Variants in IGBP1 observed in about 807,000 individuals in gnomAD.
The protein encoded by IGBP1 is immunoglobulin-binding protein 1.
Under a neutral mutation model 25.9 loss-of-function variants are expected in IGBP1, and 2 were observed. That is an observed-to-expected ratio of 0.08 (90% confidence interval 0.03 to 0.24). IGBP1 has a LOEUF of 0.24. Among genes scored for constraint, IGBP1 ranks in the 10% least tolerant of loss-of-function variants. The pLI, the probability that IGBP1 is intolerant of heterozygous loss-of-function variation, is 1.00. For missense variants in IGBP1, 187 were observed against 260.4 expected (o/e 0.72, Z 1.94); for synonymous variants, 96 against 93.4 (o/e 1.03, Z -0.16).
chrX:70,139,938 T>A (rs2085120040), intron 3 of IGBP1, among the ~76,000 whole-genome samples: 1 of 112,130 alleles, frequency 8.9e-6, no homozygotes, highest in Admixed American at 9.5e-5. Context: ...GTTCTTTGAA[T>A]AGACCCAGCT....
chrX:70,153,625 T>C (rs2085217004), intron 6 of IGBP1, among the ~76,000 whole-genome samples: 2 of 112,323 alleles, frequency 1.8e-5, no homozygotes, highest in South Asian at 7.4e-4. Flanking sequence ...ACTCTAAAAC[T>C]TAGCAATTTA....
Position 70,150,241 on chromosome X carries a change from A to T in IGBP1, c.790A>T (p.Thr264Ser). The change falls in exon 6 of 7, where the codon ACT (threonine) becomes TCT (serine). Residue 264 changes from threonine to serine, a missense_variant. Transcript: ENST00000356413. ...VFGAGYPSLP[T>S]MTVSDWYEQH... Reference sequence around the variant, plus strand: ...TGGAGCTGGTTATCCAAGTCTGCCAACTATGACGGTGAGTGACTGGTATGA... The same window carrying T: ...TGGAGCTGGTTATCCAAGTCTGCCATCTATGACGGTGAGTGACTGGTATGA... 8.3e-7 allele frequency: 1 copy of T among 1,203,275 alleles called. No homozygotes were observed. Among genetic ancestry groups the T allele is most frequent in the South Asian group, 1.8e-5 (1 of 56,783 alleles).
intron 3 of IGBP1, among the ~76,000 whole-genome samples, chrX:70,142,489 G>A (rs892116147): frequency 2.7e-5 from 3 of 110,848 alleles, no homozygotes; most frequent in Admixed American, 1.9e-4. Context: ...GAATGTGTGG[G>A]GGGTACTAGA....
At chrX:70,136,867 C>A (rs921292271) in intron 3 of IGBP1, among the ~76,000 whole-genome samples, 2 of 109,916 alleles carry the variant, frequency 1.8e-5, no homozygotes, top group Non-Finnish European at 3.8e-5. Context: ...CCACCACGCC[C>A]GGCTAGTTTT....
chrX:70,158,410 T>G (rs1017652800), intron 6 of IGBP1, among the ~76,000 whole-genome samples: 30 of 112,117 alleles, frequency 2.7e-4, no homozygotes, highest in Non-Finnish European at 5.4e-4. Context: ...GTAATCATAT[T>G]TCTTTAATTC....
intron 6 of IGBP1, among the ~76,000 whole-genome samples, chrX:70,153,069 A>G (rs1232469924): frequency 8.9e-6 from 1 of 112,358 alleles, no homozygotes; most frequent in Non-Finnish European, 1.9e-5. Flanking sequence ...TCATCCAAAG[A>G]TAAAGTACAC....
At chrX:70,144,336 CTAACCCTGAAT>C (rs1157198562) in intron 3 of IGBP1, among the ~76,000 whole-genome samples, 1 of 112,092 alleles carries the variant, frequency 8.9e-6, no homozygotes. Flanking sequence ...GACTACTAGA[CTAACCCTGAAT>C]TTACCCTGAA....
chrX:70,143,202 G>A (rs1314875572), intron 3 of IGBP1, among the ~76,000 whole-genome samples: 1 of 111,489 alleles, frequency 9.0e-6, no homozygotes, highest in Non-Finnish European at 1.9e-5. Flanking sequence ...GATTACAGGC[G>A]TGAGCCACTG....
At chrX:70,160,811 T>C in intron 6 of IGBP1, among the ~76,000 whole-genome samples, 1 of 112,034 alleles carries the variant, frequency 8.9e-6, no homozygotes, top group Non-Finnish European at 1.9e-5. Flanking sequence ...TCTCAGTAAT[T>C]ATATTGGTGG....
intron 6 of IGBP1, among the ~76,000 whole-genome samples, chrX:70,162,404 CAG>C (rs1212888650): frequency 8.9e-6 from 1 of 112,027 alleles, no homozygotes; most frequent in East Asian, 2.8e-4. Flanking sequence ...ACTAAAGAAA[CAG>C]ACAACAAAAT....
intron 6 of IGBP1, among the ~76,000 whole-genome samples, chrX:70,158,930 G>GA (rs2147588987): frequency 8.9e-6 from 1 of 112,273 alleles, no homozygotes; most frequent in Non-Finnish European, 1.9e-5. Context: ...ACAAAGCTGA[G>GA]AAAAAGGGAA....
At position 70,152,436 on chromosome X, in the gene IGBP1, C is replaced by T. The variant is rs72628852; in HGVS notation, c.871+2114C>T. ...AATCTCTACAATATATCATTTGTCA[C>T]GTTTAGAATTCAATCCTAAGCTATT... On this transcript the variant is annotated intron_variant, in intron 6 of 6. Coordinates refer to ENST00000356413, the MANE Select transcript of IGBP1 (RefSeq NM_001551.3). Among the ~76,000 whole-genome samples, 153 of 102,243 alleles carry T rather than the reference C, an allele frequency of 1.5e-3. 4 individuals are homozygous for T. In the East Asian group the frequency reaches 0.03, roughly 20 times the overall value. 88.8% of individuals were successfully genotyped at this position (102,243 alleles called of 115,157 possible). A position where few individuals can be genotyped will look rare whatever the true frequency, so the allele number is the denominator to read the frequency against.
At chrX:70,137,170 G>T (rs1448531851) in intron 3 of IGBP1, among the ~76,000 whole-genome samples, 1 of 111,500 alleles carries the variant, frequency 9.0e-6, no homozygotes, top group Non-Finnish European at 1.9e-5. Context: ...ATTTAGGAGG[G>T]TTGAATCTAC....
intron 3 of IGBP1, among the ~76,000 whole-genome samples, chrX:70,146,073 G>A (rs4844107): frequency 0.58 from 63,927 of 110,701 alleles, 15,206 homozygotes; most frequent in East Asian, 0.94. Context: ...TGACATACTA[G>A]AATGCATCCT....
intron 6 of IGBP1, among the ~76,000 whole-genome samples, chrX:70,153,852 G>C (rs564996689): frequency 9.0e-6 from 1 of 110,754 alleles, no homozygotes; most frequent in African/African-American, 3.3e-5. Flanking sequence ...AACAGCTTCC[G>C]CTCCCCAAAG....
At chrX:70,151,129 T>C (rs1173876690) in intron 6 of IGBP1, among the ~76,000 whole-genome samples, 1 of 110,240 alleles carries the variant, frequency 9.1e-6, no homozygotes, top group Admixed American at 9.6e-5. Flanking sequence ...CCTGGCTAAT[T>C]TTTGTATTTT....
chrX:70,164,604 A>G (rs1031322748), intron 6 of IGBP1, among the ~76,000 whole-genome samples: 4 of 112,370 alleles, frequency 3.6e-5, no homozygotes, highest in African/African-American at 1.3e-4. Flanking sequence ...AGTTATTACT[A>G]TAAAAAGCAG....
Sources: gnomAD v4.1 joint callset for allele counts (sites outside exome capture counted in the v4.1 genomes callset) on GRCh38, gnomAD v4.1.1 for gene constraint, MANE v1.5 for transcripts, NCBI Gene and HGNC (gene_info 2026-07-23, HGNC 2026-07-21) for gene names.